CELF4: variants seen among roughly 807,000 people sequenced by gnomAD.
CELF4 encodes CUG-BP- and ETR-3-like factor 4.
CELF4 carries 18 observed loss-of-function variants against 59.9 expected under a neutral mutation model. That is an observed-to-expected ratio of 0.30 (90% CI 0.21 to 0.45). CELF4 has a LOEUF of 0.45. Among genes scored for constraint, CELF4 ranks in the 20% least tolerant of loss-of-function variants. The probability of loss-of-function intolerance (pLI) is 1.00; values close to 1 mark genes in which losing one functional copy is unlikely to be tolerated. For missense variants in CELF4, 456 were observed against 689.0 expected, an observed-to-expected ratio of 0.66 and a Z score of 3.79; for synonymous variants, 261 against 267.1, an observed-to-expected ratio of 0.98 and a Z score of 0.22.
rs1039081372 is a variant in CELF4, at chr18:37,447,098, GA to G, written c.369+38426del. On this transcript the variant is annotated intron_variant, in intron 2 of 12. Transcript: ENST00000420428. ...AGTCGCTAAAAGTGGAATAAGAAAA[GA>G]AAAAAAAAATAATCCGATAAAGGGC... 9.4e-4 allele frequency among the ~76,000 whole-genome samples: 140 copies of G among 149,186 alleles called. No homozygotes were observed. In the East Asian group the frequency reaches 0.014, roughly 15 times the overall value.
intron 2 of CELF4, among the ~76,000 whole-genome samples, chr18:37,398,809 G>C (rs2099278666): frequency 6.6e-6 from 1 of 152,172 alleles, no homozygotes; most frequent in African/African-American, 2.4e-5. Context: ...AGCCACCTTG[G>C]ACAAATCCCT....
intron 11 of CELF4, among the ~76,000 whole-genome samples, chr18:37,257,585 T>G (rs184864867): frequency 6.6e-6 from 1 of 152,232 alleles, no homozygotes; most frequent in Admixed American, 6.5e-5. Context: ...CCTCAAGCCC[T>G]TCATGATTCC....
intron 3 of CELF4, chr18:37,305,346 C>G (rs1352251108): frequency 6.6e-6 from 1 of 152,164 alleles, no homozygotes; most frequent in Non-Finnish European, 1.5e-5. Context: ...GCTCCACATT[C>G]CACAACACGG....
At chr18:37,326,009 C>T (rs2097297784) in intron 2 of CELF4, among the ~76,000 whole-genome samples, 1 of 152,200 alleles carries the variant, frequency 6.6e-6, no homozygotes, top group South Asian at 2.1e-4. Flanking sequence ...TGGCCCTGGC[C>T]TGAAGAGAAA....
At chr18:37,454,135 G>A (rs1262678631) in intron 2 of CELF4, among the ~76,000 whole-genome samples, 1 of 152,158 alleles carries the variant, frequency 6.6e-6, no homozygotes, top group Non-Finnish European at 1.5e-5. Context: ...TATAATTCAG[G>A]TTAAAAAATA....
chr18:37,405,566 A>G (rs1392842260), intron 2 of CELF4, among the ~76,000 whole-genome samples: 1 of 152,268 alleles, frequency 6.6e-6, no homozygotes, highest in African/African-American at 2.4e-5. Flanking sequence ...AGCAAGGCCC[A>G]TCTTTGTGTT....
intron 3 of CELF4, among the ~76,000 whole-genome samples, chr18:37,310,529 C>G (rs908787137): frequency 1.3e-5 from 2 of 152,184 alleles, no homozygotes; most frequent in African/African-American, 4.8e-5. Context: ...TTTTCCCACT[C>G]GGGAAGCTCT....
At chr18:37,489,789 A>G (rs1400560521) in intron 1 of CELF4, among the ~76,000 whole-genome samples, 1 of 152,212 alleles carries the variant, frequency 6.6e-6, no homozygotes, top group Non-Finnish European at 1.5e-5. Flanking sequence ...ACAGTGTGGG[A>G]GAGAGGCTAG....
At chr18:37,520,430 C>G (rs959234916) in intron 1 of CELF4, among the ~76,000 whole-genome samples, 1 of 152,218 alleles carries the variant, frequency 6.6e-6, no homozygotes, top group African/African-American at 2.4e-5. Flanking sequence ...TTTGACCAAG[C>G]TTTGCACTAT....
chr18:37,535,972 C>T (rs1394188217), intron 1 of CELF4, among the ~76,000 whole-genome samples: 3 of 152,190 alleles, frequency 2.0e-5, no homozygotes, highest in Non-Finnish European at 4.4e-5. Flanking sequence ...ATCCATCTCC[C>T]TCCCCACGCC....
At chr18:37,401,183 A>T (rs945065183) in intron 2 of CELF4, among the ~76,000 whole-genome samples, 13 of 152,200 alleles carry the variant, frequency 8.5e-5, no homozygotes, top group African/African-American at 3.1e-4. Context: ...AGATGGTTGT[A>T]GGTAGGTCTT....
chr18:37,377,583 G>A (rs1213704819), intron 2 of CELF4, among the ~76,000 whole-genome samples: 1 of 152,194 alleles, frequency 6.6e-6, no homozygotes, highest in Non-Finnish European at 1.5e-5. Context: ...CTGGGAACAC[G>A]GTGATGAGAG....
intron 3 of CELF4, chr18:37,306,318 CTG>C (rs2096400848): frequency 6.6e-6 from 1 of 152,344 alleles, no homozygotes; most frequent in Non-Finnish European, 1.5e-5. Context: ...GTCTTGGACT[CTG>C]TCACTCCCCT....
chr18:37,438,602 C>T (rs1202740820), intron 2 of CELF4, among the ~76,000 whole-genome samples: 1 of 152,106 alleles, frequency 6.6e-6, no homozygotes, highest in Non-Finnish European at 1.5e-5. Context: ...ACCCTGGTGC[C>T]TTCCAGGTCT....
chr18:37,421,980 G>A (rs1043388576), intron 2 of CELF4, among the ~76,000 whole-genome samples: 6 of 152,240 alleles, frequency 3.9e-5, no homozygotes, highest in Admixed American at 2.0e-4. Context: ...TATTCCTGGA[G>A]CCTTGCCCTT....
At chr18:37,318,958 C>T (rs1436531154) in intron 3 of CELF4, among the ~76,000 whole-genome samples, 2 of 152,200 alleles carry the variant, frequency 1.3e-5, no homozygotes, top group African/African-American at 4.8e-5. Context: ...TGCCATCCCC[C>T]CTTCTCAAGC....
intron 12 of CELF4, among the ~76,000 whole-genome samples, chr18:37,250,026 G>C (rs1001397901): frequency 6.6e-6 from 1 of 152,168 alleles, no homozygotes; most frequent in African/African-American, 2.4e-5. Context: ...AGTGCTAGAA[G>C]TCTGAGAACC....
intron 2 of CELF4, among the ~76,000 whole-genome samples, chr18:37,363,001 C>T (rs2098729826): frequency 6.6e-6 from 1 of 152,202 alleles, no homozygotes; most frequent in Non-Finnish European, 1.5e-5. Context: ...CTGGTTTCTT[C>T]CTTGCTTTTC....
intron 2 of CELF4, among the ~76,000 whole-genome samples, chr18:37,411,995 G>A (rs1420211377): frequency 6.6e-6 from 1 of 152,220 alleles, no homozygotes; most frequent in Non-Finnish European, 1.5e-5. Flanking sequence ...AGCAGATCCT[G>A]ACCACTCAGC....
Sources: allele counts gnomAD v4.1 joint callset (sites outside exome capture counted in the v4.1 genomes callset), GRCh38; gene constraint gnomAD v4.1.1; transcripts MANE v1.5; gene names NCBI Gene and HGNC (gene_info 2026-07-23, HGNC 2026-07-21).